TRPM2: variants seen among roughly 807,000 people sequenced by gnomAD.
TRPM2 encodes estrogen-responsive element-associated gene 1 protein.
Under a neutral mutation model 174.0 loss-of-function variants are expected in TRPM2, and 161 were observed. That is an observed-to-expected ratio of 0.93 (90% CI 0.81 to 1.05). The LOEUF (loss-of-function observed/expected upper bound fraction) is 1.05, where lower values mean the gene tolerates loss of function less well. TRPM2 is among the 50% of genes least tolerant of loss of function. TRPM2 has a pLI of 0.00. For missense variants in TRPM2, 2,057 were observed against 2,038.0 expected (o/e 1.01, Z -0.18); for synonymous variants, 954 against 861.3 (o/e 1.11, Z -1.88).
rs200577825 is a variant in TRPM2 at position 44,424,977 on chromosome 21, G to A, written c.3637+38G>A. The A allele has an allele frequency of 4.5e-5, 70 of 1,549,834 alleles. No homozygotes were observed. In the East Asian group the frequency reaches 8.2e-4, roughly 18 times the overall value. ...CCAGGCCAGCAGCTGGTCTCCAGCC[G>A]CCTGTTTCTTTTGGGTCTGGGGTCA... is the stretch of plus-strand genomic sequence containing the variant. On this transcript the variant is annotated intron_variant, in intron 24 of 31. Coordinates refer to ENST00000397928, the MANE Select transcript of TRPM2 (RefSeq NM_003307.4).
At chr21:44,390,115 A>G (rs955869331) in intron 9 of TRPM2, among the ~76,000 whole-genome samples, 2 of 151,818 alleles carry the variant, frequency 1.3e-5, no homozygotes, top group Non-Finnish European at 2.9e-5. Flanking sequence ...CTCATGATCC[A>G]CCCGCCTTGG....
Position 44,405,180 on chromosome 21 carries a change from G to A in TRPM2, c.2577G>A (p.Lys859=), listed in dbSNP as rs1225648788. Residue 859 remains lysine, a synonymous_variant, in exon 17 of 32, where the codon AAG becomes AAA. Transcript: ENST00000397928. Reference sequence around the variant, plus strand: ...CTGACGAGTGCGGGCTGATGAAGAAGGCAGCCTTGTACTTCAGTGACTTCT... The same window carrying A: ...CTGACGAGTGCGGGCTGATGAAGAAAGCAGCCTTGTACTTCAGTGACTTCT... The part of the protein sequence containing the change: ...YDPDECGLMK[K]AALYFSDFWN... The A allele has an allele frequency of 1.2e-6, 2 of 1,613,506 alleles. No individual in the cohort carries two copies. The highest frequency in any genetic ancestry group is 1.1e-5 in the South Asian group (1 of 91,086).
In TRPM2 at chr21:44,365,939, T is replaced by C. The variant is rs561328998; in HGVS notation, c.424-815T>C. Reference sequence around the variant, plus strand: ...CTGTGCTTGTGGGTTAACTGGACCTTCTTTAGTGACAATGCCACCACATGG... The same window carrying C: ...CTGTGCTTGTGGGTTAACTGGACCTCCTTTAGTGACAATGCCACCACATGG... On this transcript the variant is annotated intron_variant, in intron 3 of 31. Transcript: ENST00000397928. Among the ~76,000 whole-genome samples the C allele has an allele frequency of 1.1e-4, 16 of 152,306 alleles. No individual in the cohort carries two copies. The East Asian group carries it at 3.1e-3, about 29-fold the overall frequency.
chr21:44,394,317 C>CTTTTTTTTT (rs35448660), intron 11 of TRPM2, among the ~76,000 whole-genome samples: 1 of 112,688 alleles, frequency 8.9e-6, no homozygotes, highest in African/African-American at 3.4e-5. Context: ...AAACACATTT[C>CTTTTTTTTT]TTTTTTTTTT....
intron 9 of TRPM2, among the ~76,000 whole-genome samples, chr21:44,388,271 T>G (rs777894218): frequency 3.3e-5 from 5 of 152,164 alleles, no homozygotes; most frequent in Admixed American, 6.5e-5. Context: ...GTTGAACCCT[T>G]AAGACATTAT....
chr21:44,364,405 G>T, intron 3 of TRPM2, 123 bp downstream of exon 3: 1 of 1,193,820 alleles, frequency 8.4e-7, no homozygotes, highest in Admixed American at 2.0e-5. Context: ...GGTGCATAGA[G>T]CCCACTGCAC....
Position 44,391,730 on chromosome 21 carries a change from GAC to G in TRPM2, c.1794+109_1794+110del. 1 of 1,112,408 alleles carries G rather than the reference GAC, an allele frequency of 9.0e-7. No individual in the cohort carries two copies. Among genetic ancestry groups the G allele is most frequent in the Non-Finnish European group, 1.2e-6 (1 of 805,510 alleles). The allele number at this position is 1,112,408 out of a possible 1,614,324, so 68.9% of individuals were successfully genotyped here. On this transcript the variant is annotated intron_variant, in intron 11 of 31. Coordinates refer to ENST00000397928, the MANE Select transcript of TRPM2 (RefSeq NM_003307.4). The surrounding 1 kb of genome is among the most constrained non-coding windows in gnomAD (Gnocchi z 5.0). ...ATTAGCTTTTATTTTTATTAGAAAA[GAC>G]ACATGCTCTATCTTAGGCTGCTTGG...
intron 9 of TRPM2, among the ~76,000 whole-genome samples, chr21:44,389,869 T>TA (rs1431679954): frequency 1.4e-3 from 198 of 138,254 alleles, no homozygotes; most frequent in African/African-American, 5.1e-3. Context: ...GCAGGAGGCT[T>TA]AAAATTTTTT....
Position 44,366,060 on chromosome 21 carries a change from G to A in TRPM2, c.424-694G>A, listed in dbSNP as rs2048350977. ...CGGCGGAGATTGCAGACCCCGCTGGGTCTCTTCAGACACAGCCCGCCTAGC... is the reference window on the plus strand; with the variant it reads ...CGGCGGAGATTGCAGACCCCGCTGGATCTCTTCAGACACAGCCCGCCTAGC... On this transcript the variant is annotated intron_variant, in intron 3 of 31. Transcript: ENST00000397928. This position sits in a 1 kb window ranked among gnomAD's most constrained non-coding sequence, Gnocchi z 6.0. Among the ~76,000 whole-genome samples, 1 of 152,224 alleles carries A rather than the reference G, an allele frequency of 6.6e-6. No homozygotes were observed. Among genetic ancestry groups the A allele is most frequent in the African/African-American group, 2.4e-5 (1 of 41,454 alleles).
chr21:44,356,110 C>T (rs1413256641), intron 2 of TRPM2, among the ~76,000 whole-genome samples: 3 of 129,702 alleles, frequency 2.3e-5, no homozygotes, highest in Admixed American at 1.5e-4. Context: ...TTTGGGAGGC[C>T]GAGGCAGGTG....
intron 31 of TRPM2, 52 bp downstream of exon 31, chr21:44,440,957 G>T: frequency 1.3e-6 from 2 of 1,525,098 alleles, no homozygotes; most frequent in Non-Finnish European, 9.1e-7. Flanking sequence ...GGACGGGTAT[G>T]GGCGTGGCCT....
At chr21:44,365,307 G>A (rs62220434) in intron 3 of TRPM2, among the ~76,000 whole-genome samples, 2,011 of 152,344 alleles carry the variant, frequency 0.013, 23 homozygotes, top group Non-Finnish European at 0.018. Context: ...CTGTGCTGGC[G>A]TCTGGAGCCC....
chr21:44,406,175 C>A (rs955363641), intron 18 of TRPM2, 138 bp downstream of exon 18: 3 of 1,156,386 alleles, frequency 2.6e-6, no homozygotes, highest in Non-Finnish European at 2.4e-6. Flanking sequence ...GCCCCTTGGG[C>A]TCCCAAGAAT....
intron 8 of TRPM2, among the ~76,000 whole-genome samples, chr21:44,381,165 A>G (rs893531838): frequency 2.0e-5 from 3 of 151,976 alleles, no homozygotes; most frequent in Admixed American, 1.3e-4. Context: ...GGCAGAGTCT[A>G]TGTGGAGGCA....
chr21:44,367,855 C>T lies in TRPM2; in HGVS notation c.604+921C>T, dbSNP rs763880520. On this transcript the variant is annotated intron_variant, in intron 4 of 31. Transcript: ENST00000397928. This position sits in a 1 kb window ranked among gnomAD's most constrained non-coding sequence, Gnocchi z 4.6. ...TCTTTTGACCTGTGAGTCCCACAGC[C>T]CTGCTTGTAAAATGACCAGACCTTT... Among the ~76,000 whole-genome samples, 2 of 152,026 alleles carry T rather than the reference C, an allele frequency of 1.3e-5. No homozygotes were observed. The highest frequency in any genetic ancestry group is 2.4e-5 in the African/African-American group (1 of 41,284).
intron 19 of TRPM2, among the ~76,000 whole-genome samples, chr21:44,413,234 T>C (rs1382361890): frequency 1.3e-5 from 2 of 150,414 alleles, no homozygotes; most frequent in Non-Finnish European, 3.0e-5. Flanking sequence ...ATTCTTTTTT[T>C]TTTTTTTTTT....
rs369007875 is a variant in TRPM2 at position 44,353,686 on chromosome 21, C to T, written c.-15C>T. The T allele has an allele frequency of 4.3e-5, 64 of 1,478,378 alleles. 1 individual carries two copies. In the Middle Eastern group the frequency reaches 6.0e-4, roughly 14 times the overall value. 91.6% of individuals were successfully genotyped at this position (1,478,378 alleles called of 1,614,324 possible). On this transcript the variant is annotated 5_prime_UTR_variant, in exon 1 of 32. Transcript: ENST00000397928. ...GGGCAGCAGGCCTGGTTGCAGCTGG[C>T]GTGGGGGTCTCAGAATGGAGCCCTC...
chr21:44,398,956 T>C (rs1207716761), intron 13 of TRPM2, among the ~76,000 whole-genome samples: 1 of 152,182 alleles, frequency 6.6e-6, no homozygotes, highest in Admixed American at 6.5e-5. Flanking sequence ...AGTTAAACTA[T>C]AAACGAAGTT....
chr21:44,352,309 T>G (rs945297024), upstream of TRPM2, among the ~76,000 whole-genome samples: 8 of 151,798 alleles, frequency 5.3e-5, no homozygotes, highest in South Asian at 1.7e-3. Context: ...TCGGAATGAG[T>G]GTGGCCAAGG....
Sources: allele counts gnomAD v4.1 joint callset (sites outside exome capture counted in the v4.1 genomes callset), GRCh38; gene constraint gnomAD v4.1.1; non-coding constraint Gnocchi (gnomAD v3.1); transcripts MANE v1.5; gene names NCBI Gene and HGNC (gene_info 2026-07-23, HGNC 2026-07-21).